UBOX5: variants seen among roughly 807,000 people sequenced by gnomAD.
UBOX5 encodes the protein RING finger protein 37.
A neutral mutation model predicts 39.0 loss-of-function variants in UBOX5; 28 were observed. That is an observed-to-expected ratio of 0.72 (90% confidence interval 0.53 to 0.98). The LOEUF is 0.98. Ranked by LOEUF, UBOX5 falls within the 50% of genes least tolerant of loss-of-function variation. The pLI, the probability that UBOX5 is intolerant of heterozygous loss-of-function variation, is 0.00. For missense variants in UBOX5, 585 were observed against 674.4 expected, an observed-to-expected ratio of 0.87 and a Z score of 1.47; for synonymous variants, 283 against 275.5, an observed-to-expected ratio of 1.03 and a Z score of -0.27.
rs2066270814 is a variant in UBOX5 at position 3,113,534 on chromosome 20, G to A, written c.1417+1771C>T. Reference sequence around the variant, plus strand: ...AGCCACAGTAAGGCGAGGATGGGGGGATACCAGCAGGGGCTACTGCAGGAG... The same window carrying A: ...AGCCACAGTAAGGCGAGGATGGGGGAATACCAGCAGGGGCTACTGCAGGAG... On this transcript the variant is annotated intron_variant, in intron 4 of 4. Coordinates refer to ENST00000217173, the MANE Select transcript of UBOX5 (RefSeq NM_014948.4). Among the ~76,000 whole-genome samples, 3 of 152,236 alleles carry A rather than the reference G, an allele frequency of 2.0e-5. No homozygotes were observed. The South Asian group carries it at 6.2e-4, about 32-fold the overall frequency.
At chr20:3,126,473 C>A (rs2066389096) in intron 1 of UBOX5, among the ~76,000 whole-genome samples, 1 of 149,884 alleles carries the variant, frequency 6.7e-6, no homozygotes, top group Admixed American at 6.6e-5. Context: ...TGCCACATCC[C>A]CCTCTCCGAG....
chr20:3,128,683 A>G (rs1180841537), intron 1 of UBOX5, among the ~76,000 whole-genome samples: 2 of 152,102 alleles, frequency 1.3e-5, no homozygotes, highest in Non-Finnish European at 2.9e-5. Flanking sequence ...GCAACACAGC[A>G]AGACCCCGTC....
At chr20:3,123,053 G>A (rs2066350827) in intron 2 of UBOX5, among the ~76,000 whole-genome samples, 1 of 152,138 alleles carries the variant, frequency 6.6e-6, no homozygotes, top group South Asian at 2.1e-4. Context: ...TGACGAGACT[G>A]GAGATTGATC....
Position 3,138,933 on chromosome 20 carries a change from T to C in UBOX5, c.-41-15527A>G, listed in dbSNP as rs530902637. On this transcript the variant is annotated intron_variant, in intron 1 of 4. Coordinates refer to ENST00000217173, the MANE Select transcript of UBOX5 (RefSeq NM_014948.4). ...ATAGAGATGTAATGAAAAGTAATTC[T>C]GGCAGACACACATATTTTAAAGACT... Among the ~76,000 whole-genome samples, 10 of 152,192 alleles carry C rather than the reference T, an allele frequency of 6.6e-5. No homozygotes were observed. In the East Asian group the frequency reaches 1.9e-3, roughly 29 times the overall value.
chr20:3,121,282 G>A lies in UBOX5; in HGVS notation c.1255+102C>T, dbSNP rs576985981. 90 of 1,486,156 alleles carry A rather than the reference G, an allele frequency of 6.1e-5. 1 individual carries two copies. Among genetic ancestry groups the A allele is most frequent in the South Asian group, 8.1e-5 (6 of 73,642 alleles). 92.1% of individuals were successfully genotyped at this position (1,486,156 alleles called of 1,614,324 possible). ...AAGGAGGCAGCACAGGCACAGCCTC[G>A]GGAATGTAAGCTGGCCAAGCACAAA... On this transcript the variant is annotated intron_variant, in intron 3 of 4. Transcript: ENST00000217173.
In UBOX5 at chr20:3,146,733, T is replaced by C. The variant is rs910633976; in HGVS notation, c.-42+13033A>G. The C allele has an allele frequency of 3.8e-6, 6 of 1,585,096 alleles. No individual in the cohort carries two copies. The African/African-American group carries it at 8.1e-5, about 21-fold the overall frequency. On this transcript the variant is annotated intron_variant, in intron 1 of 4. Coordinates refer to ENST00000217173, the MANE Select transcript of UBOX5 (RefSeq NM_014948.4). ...AATCATTTTGCAACACCTGGTACAG[T>C]ATACACCTATAGCTTTGCCATAGAA...
chr20:3,114,817 G>A (rs987923543), intron 4 of UBOX5, among the ~76,000 whole-genome samples: 3 of 152,026 alleles, frequency 2.0e-5, no homozygotes, highest in South Asian at 2.1e-4. Context: ...GCATGGTGGC[G>A]GGCGCCTGTA....
chr20:3,145,277 T>C (rs371478726), intron 1 of UBOX5, among the ~76,000 whole-genome samples: 2 of 151,864 alleles, frequency 1.3e-5, no homozygotes, highest in African/African-American at 4.8e-5. Flanking sequence ...CTCAGCCTCC[T>C]AAGTAGCTGG....
At chr20:3,144,918 C>T (rs953042969) in intron 1 of UBOX5, among the ~76,000 whole-genome samples, 2 of 151,994 alleles carry the variant, frequency 1.3e-5, no homozygotes, top group African/African-American at 4.8e-5. Flanking sequence ...TCTTCTAGGT[C>T]CAATTTTAAG....
At chr20:3,115,139 CT>C (rs149196948) in intron 4 of UBOX5, among the ~76,000 whole-genome samples, 165 bp downstream of exon 4, 1 of 152,282 alleles carries the variant, frequency 6.6e-6, no homozygotes, top group East Asian at 1.9e-4. Flanking sequence ...TCAACTACCC[CT>C]GGAAAAGGCA....
chr20:3,156,251 C>T (rs374147434), intron 1 of UBOX5, among the ~76,000 whole-genome samples: 1 of 150,204 alleles, frequency 6.7e-6, no homozygotes, highest in African/African-American at 2.5e-5. Context: ...TCTCAGCTCA[C>T]TGCAACCTCT....
chr20:3,125,248 G>A (rs2066372796), intron 1 of UBOX5, among the ~76,000 whole-genome samples: 1 of 147,928 alleles, frequency 6.8e-6, no homozygotes, highest in Non-Finnish European at 1.5e-5. Context: ...GAAGTGAGGA[G>A]TGCCTCTGCC....
chr20:3,124,955 C>T (rs1436458522), intron 1 of UBOX5, among the ~76,000 whole-genome samples: 5 of 148,918 alleles, frequency 3.4e-5, no homozygotes, highest in Admixed American at 6.7e-5. Context: ...CGCTGCTGCC[C>T]GGCCACCCCG....
chr20:3,147,995 A>G lies in UBOX5; in HGVS notation c.-42+11771T>C, dbSNP rs780272395. ...GTGAGTGAAACGGAACATTTTAACA[A>G]TATTCACTAAGGAGCGACTACTCAG... On this transcript the variant is annotated intron_variant, in intron 1 of 4. Coordinates refer to ENST00000217173, the MANE Select transcript of UBOX5 (RefSeq NM_014948.4). 3.7e-6 allele frequency: 6 copies of G among 1,614,204 alleles called. No homozygotes were observed. The Admixed American group carries it at 1.0e-4, about 27-fold the overall frequency.
chr20:3,120,361 A>AGATTGTTGCAATTTT (rs2066324900), intron 3 of UBOX5, among the ~76,000 whole-genome samples: 4 of 151,186 alleles, frequency 2.6e-5, no homozygotes, highest in African/African-American at 9.7e-5. Flanking sequence ...AAAAAAAAAA[A>AGATTGTTGCAATTTT]ACAGAAGTCG....
intron 1 of UBOX5, among the ~76,000 whole-genome samples, chr20:3,156,168 T>G (rs2066682262): frequency 6.7e-6 from 1 of 149,586 alleles, no homozygotes. Flanking sequence ...AATTAACTTC[T>G]GACTCTTTTT....
chr20:3,150,018 C>CA (rs1358453716), intron 1 of UBOX5, among the ~76,000 whole-genome samples: 17,262 of 110,316 alleles, frequency 0.16, 1,060 homozygotes, highest in Middle Eastern at 0.2. Flanking sequence ...GACTCCATCT[C>CA]AAAAAAAAAA....
intron 1 of UBOX5, among the ~76,000 whole-genome samples, chr20:3,125,185 CTG>C (rs2066371959): frequency 6.7e-6 from 1 of 149,224 alleles, no homozygotes; most frequent in African/African-American, 2.5e-5. Flanking sequence ...CACTGCCCGG[CTG>C]CACCATCTGA....
At chr20:3,143,329 T>C (rs2066533964) in intron 1 of UBOX5, among the ~76,000 whole-genome samples, 2 of 151,922 alleles carry the variant, frequency 1.3e-5, no homozygotes, top group Admixed American at 1.3e-4. Flanking sequence ...CTCAAACTCC[T>C]GGCCTCAAGT....
Sources: allele counts gnomAD v4.1 joint callset (sites outside exome capture counted in the v4.1 genomes callset), GRCh38; gene constraint gnomAD v4.1.1; transcripts MANE v1.5; gene names NCBI Gene and HGNC (gene_info 2026-07-23, HGNC 2026-07-21).